Variants in SMAD6 observed in about 807,000 individuals in gnomAD.
The protein encoded by SMAD6 is SMAD family member 6, also known as MAD homolog 6.
A neutral mutation model predicts 39.4 loss-of-function variants in SMAD6; 103 were observed. That is an observed-to-expected ratio of 2.62 (90% CI 2.23 to 3.08). The LOEUF (loss-of-function observed/expected upper bound fraction) is 3.08, where lower values mean the gene tolerates loss of function less well. Among genes scored for constraint, SMAD6 ranks in the 30% most tolerant of loss-of-function variants. The probability of loss-of-function intolerance (pLI) is 0.00; values close to 1 mark genes in which losing one functional copy is unlikely to be tolerated. For missense variants in SMAD6, 1,104 were observed against 742.9 expected (o/e 1.49, Z -5.65); for synonymous variants, 445 against 353.3 (o/e 1.26, Z -2.91).
At chr15:66,713,987 C>T (rs1447969230) in intron 2 of SMAD6, among the ~76,000 whole-genome samples, 1 of 152,218 alleles carries the variant, frequency 6.6e-6, no homozygotes, top group Non-Finnish European at 1.5e-5. Flanking sequence ...GAGCAGCCCC[C>T]ACTCAGGTGG....
intron 1 of SMAD6, chr15:66,705,818 T>G (rs1893099288): frequency 6.6e-6 from 1 of 152,152 alleles, no homozygotes; most frequent in African/African-American, 2.4e-5. Context: ...TCATTGGGTG[T>G]GAACTACCAG....
chr15:66,714,207 C>T (rs1191708659), intron 2 of SMAD6, among the ~76,000 whole-genome samples: 1 of 152,188 alleles, frequency 6.6e-6, no homozygotes, highest in Non-Finnish European at 1.5e-5. Context: ...AAAATCAGGA[C>T]ACTGCCCAGC....
chr15:66,736,734 T>G (rs958613388), intron 3 of SMAD6, among the ~76,000 whole-genome samples: 1 of 152,002 alleles, frequency 6.6e-6, no homozygotes, highest in African/African-American at 2.4e-5. Flanking sequence ...TGGTGTGATC[T>G]TGGCTCACTG....
chr15:66,753,929 G>A (rs1044189891), intron 3 of SMAD6, among the ~76,000 whole-genome samples: 5 of 152,224 alleles, frequency 3.3e-5, no homozygotes, highest in Non-Finnish European at 7.3e-5. Context: ...AAGGGGCAGT[G>A]TGCAGGGTGC....
chr15:66,738,339 C>T (rs555464730), intron 3 of SMAD6, among the ~76,000 whole-genome samples: 1 of 152,314 alleles, frequency 6.6e-6, no homozygotes, highest in East Asian at 1.9e-4. Flanking sequence ...GTGCATACTC[C>T]AGGCTTAGCT....
chr15:66,712,710 AAGAGT>A (rs1367645806), intron 2 of SMAD6, among the ~76,000 whole-genome samples: 3 of 151,176 alleles, frequency 2.0e-5, no homozygotes, highest in African/African-American at 7.3e-5. Context: ...AAAAAAAAAA[AAGAGT>A]AGAGGTTGTG....
chr15:66,703,822 G>A lies in SMAD6; in HGVS notation c.564G>A (p.Leu188=), dbSNP rs753213670. The change falls in exon 1 of 4, where the codon CTG becomes CTA. Residue 188 remains leucine (L), a synonymous_variant. Coordinates refer to ENST00000288840, the MANE Select transcript of SMAD6 (RefSeq NM_005585.5). The part of the protein sequence containing the change: ...SLLKRLKERS[L]DTLLEAVESR... The stretch of plus-strand genomic sequence containing the variant: ...TGAAGCGGCTCAAGGAGCGCTCGCT[G>A]GACACGCTGCTGGAGGCGGTGGAGT... The A allele has an allele frequency of 4.2e-6, 6 of 1,421,942 alleles. No individual in the cohort carries two copies. Among genetic ancestry groups the A allele is most frequent in the Non-Finnish European group, 4.6e-6 (5 of 1,076,762 alleles). The allele number at this position is 1,421,942 out of a possible 1,614,324, so 88.1% of individuals were successfully genotyped here.
intron 3 of SMAD6, among the ~76,000 whole-genome samples, chr15:66,748,041 T>C (rs567055279): frequency 6.6e-6 from 1 of 152,280 alleles, no homozygotes; most frequent in South Asian, 2.1e-4. Context: ...CTCCCTGGGC[T>C]CCATAAATCA....
intron 3 of SMAD6, among the ~76,000 whole-genome samples, chr15:66,729,408 G>A (rs976274510): frequency 6.6e-6 from 1 of 152,224 alleles, no homozygotes; most frequent in Non-Finnish European, 1.5e-5. Flanking sequence ...TTCACCGGTA[G>A]CCAAAACATT....
Position 66,703,747 on chromosome 15 carries a change from G to A in SMAD6, c.489G>A (p.Ser163=). ...AGGGRSREAR[S]RLLLLEQELK... ...GCGGGCGGAGTCGCGAAGCGCGCTC[G>A]CGGCTGCTGCTGCTGGAGCAGGAAC... Residue 163 remains serine (S), a synonymous_variant, in exon 1 of 4, where the codon TCG becomes TCA. Coordinates refer to ENST00000288840, the MANE Select transcript of SMAD6 (RefSeq NM_005585.5). 3.6e-6 allele frequency: 5 copies of A among 1,386,092 alleles called. No individual in the cohort carries two copies. The highest frequency in any genetic ancestry group is 4.7e-6 in the Non-Finnish European group (5 of 1,057,084). 85.9% of individuals were successfully genotyped at this position (1,386,092 alleles called of 1,614,324 possible).
chr15:66,748,125 T>C (rs369693513), intron 3 of SMAD6, among the ~76,000 whole-genome samples: 5 of 152,088 alleles, frequency 3.3e-5, no homozygotes, highest in South Asian at 4.1e-4. Context: ...AGATTACTTA[T>C]GGCTATTAGT....
At position 66,715,643 on chromosome 15, in the gene SMAD6, C is replaced by T. The variant is rs565373443; in HGVS notation, c.875-778C>T. On this transcript the variant is annotated intron_variant, in intron 2 of 3. Coordinates refer to ENST00000288840, the MANE Select transcript of SMAD6 (RefSeq NM_005585.5). ...GTCGGCCTGTCCCAAAAGGCATCGG[C>T]TTGTCAAACTAGCAGCTCAGTGTTC... is the stretch of plus-strand genomic sequence containing the variant. Among the ~76,000 whole-genome samples the T allele has an allele frequency of 2.7e-4, 41 of 152,176 alleles. No individual in the cohort carries two copies. The South Asian group carries it at 8.5e-3, about 32-fold the overall frequency.
chr15:66,771,494 C>T (rs1423221361), intron 3 of SMAD6, among the ~76,000 whole-genome samples: 1 of 152,192 alleles, frequency 6.6e-6, no homozygotes. Context: ...GAAAAGCCGG[C>T]AGAAAACCCT....
At chr15:66,721,426 G>C (rs2469114) in intron 3 of SMAD6, among the ~76,000 whole-genome samples, 1 of 151,974 alleles carries the variant, frequency 6.6e-6, no homozygotes, top group Non-Finnish European at 1.5e-5. Flanking sequence ...AACAGACTCT[G>C]AGAGTTCCGT....
rs1224330425 is a variant in SMAD6, at chr15:66,702,771, C to A, written c.-488C>A. 6.5e-6 allele frequency: 1 copy of A among 153,272 alleles called. No individual in the cohort carries two copies. The highest frequency in any genetic ancestry group is 2.4e-5 in the African/African-American group (1 of 41,418). The allele number at this position is 153,272 out of a possible 1,614,324, so 9.5% of individuals were successfully genotyped here. On this transcript the variant is annotated 5_prime_UTR_variant, in exon 1 of 4. Transcript: ENST00000288840. ...TGGGGGTATCAACAAGCCTGCCTTT[C>A]GGATCCTGCGGGAAAAGCCCATGTA...
In SMAD6 at chr15:66,703,468, C is replaced by T. The variant is rs1045719756; in HGVS notation, c.210C>T (p.Asp70=). The change falls in exon 1 of 4, where the codon GAC becomes GAT. Residue 70 remains aspartate (D), a synonymous_variant. Transcript: ENST00000288840. ...CGGTAGCCCCGCGGCGGCCCCGGGA[C>T]GCAGTGGGACAGCGAGGCGCCCAGG... The part of the protein sequence containing the change: ...VRPVAPRRPR[D]AVGQRGAQGA... The T allele has an allele frequency of 8.8e-6, 11 of 1,248,612 alleles. No homozygotes were observed. In the Middle Eastern group the frequency reaches 1.2e-3, roughly 141 times the overall value. 77.3% of individuals were successfully genotyped at this position (1,248,612 alleles called of 1,614,324 possible).
At chr15:66,756,611 C>T (rs967316403) in intron 3 of SMAD6, among the ~76,000 whole-genome samples, 2 of 152,242 alleles carry the variant, frequency 1.3e-5, no homozygotes, top group East Asian at 3.8e-4. Context: ...TGTCTGCCCT[C>T]CCCTCCATCC....
chr15:66,703,725 G>A lies in SMAD6; in HGVS notation c.467G>A (p.Gly156Glu), dbSNP rs1199103425. Residue 156 changes from glycine to glutamate, a missense_variant, in exon 1 of 4, where the codon GGG (glycine) becomes GAG (glutamate). Physicochemically the swap from Gly to Glu is moderately conservative, Grantham distance 98 (BLOSUM62 -2). Transcript: ENST00000288840. ...AGAALEPAGG[G>E]RSREARSRLL... The stretch of plus-strand genomic sequence containing the variant: ...GCGGCCCTGGAGCCGGCGGGCGGCG[G>A]GCGGAGTCGCGAAGCGCGCTCGCGG... 6 of 1,356,974 alleles carry A rather than the reference G, an allele frequency of 4.4e-6. No homozygotes were observed. Among genetic ancestry groups the A allele is most frequent in the Non-Finnish European group, 4.8e-6 (5 of 1,041,492 alleles). The allele number at this position is 1,356,974 out of a possible 1,614,324, so 84.1% of individuals were successfully genotyped here. A position where few individuals can be genotyped will look rare whatever the true frequency, so the allele number is the denominator to read the frequency against.
At chr15:66,750,161 A>G (rs1391015753) in intron 3 of SMAD6, among the ~76,000 whole-genome samples, 1 of 152,080 alleles carries the variant, frequency 6.6e-6, no homozygotes, top group Non-Finnish European at 1.5e-5. Context: ...GTCTCTTTTT[A>G]CAGATAGATA....
Sources: gnomAD v4.1 joint callset for allele counts (sites outside exome capture counted in the v4.1 genomes callset) on GRCh38, gnomAD v4.1.1 for gene constraint, MANE v1.5 for transcripts, NCBI Gene and HGNC (gene_info 2026-07-23, HGNC 2026-07-21) for gene names.